Variants in TBC1D4 observed in about 807,000 individuals in gnomAD.
TBC1D4 encodes the protein TBC1 domain family member 4, also known as TBC (Tre-2, BUB2, CDC16) domain-containing protein.
Under a neutral mutation model 142.5 loss-of-function variants are expected in TBC1D4, and 121 were observed. The ratio of observed to expected loss-of-function variants is 0.85; its 90% CI spans 0.73 to 0.99. TBC1D4 has a LOEUF of 0.99. Ranked by LOEUF, TBC1D4 falls within the 50% of genes least tolerant of loss-of-function variation. The pLI, the probability that TBC1D4 is intolerant of heterozygous loss-of-function variation, is 0.00. For missense variants in TBC1D4, 1,475 were observed against 1,606.6 expected, an observed-to-expected ratio of 0.92 and a Z score of 1.40; for synonymous variants, 630 against 628.2, an observed-to-expected ratio of 1.00 and a Z score of -0.04.
At chr13:75,481,208 CGCCCTGCTCCCCGAT>C in intron 1 of TBC1D4, 47 bp downstream of exon 1, 2 of 1,448,742 alleles carry the variant, frequency 1.4e-6, no homozygotes, top group Non-Finnish European at 1.9e-6. Context: ...CCGCCCCTCC[CGCCCTGCTCCCCGAT>C]CCCCCAAGGC....
At chr13:75,450,271 G>A (rs991107269) in intron 1 of TBC1D4, among the ~76,000 whole-genome samples, 1 of 152,114 alleles carries the variant, frequency 6.6e-6, no homozygotes, top group African/African-American at 2.4e-5. Context: ...ATGATGCGGT[G>A]TCAGAATTTC....
At chr13:75,478,127 G>C (rs1206001824) in intron 1 of TBC1D4, among the ~76,000 whole-genome samples, 1 of 152,174 alleles carries the variant, frequency 6.6e-6, no homozygotes, top group Non-Finnish European at 1.5e-5. Context: ...CAGCTCTAAG[G>C]TCAAATGTAG....
rs574953141 is a variant in TBC1D4 at position 75,319,439 on chromosome 13, T to A, written c.2222+575A>T. Among the ~76,000 whole-genome samples, 50 of 152,340 alleles carry A rather than the reference T, an allele frequency of 3.3e-4. 2 individuals carry two copies. The highest frequency in any genetic ancestry group is 2.7e-3 in the Admixed American group (42 of 15,298). ...CAAAAAAAGCATGTGAGTCAAGAGA[T>A]GTCAACACAGATGTGGTCAAACTTC... On this transcript the variant is annotated intron_variant, in intron 12 of 20. Transcript: ENST00000377636.
chr13:75,402,520 T>C (rs1242477633), intron 1 of TBC1D4, among the ~76,000 whole-genome samples: 1 of 152,160 alleles, frequency 6.6e-6, no homozygotes, highest in East Asian at 1.9e-4. Context: ...GGATAAGAAA[T>C]TTTAAGTTGA....
Position 75,481,939 on chromosome 13 carries a change from C to T in TBC1D4, c.-172G>A, listed in dbSNP as rs996151999. The T allele has an allele frequency of 1.0e-6, 1 of 968,228 alleles. No homozygotes were observed. The highest frequency in any genetic ancestry group is 3.6e-4 in the Middle Eastern group (1 of 2,790). The allele number at this position is 968,228 out of a possible 1,614,324, so 60.0% of individuals were successfully genotyped here. A position where few individuals can be genotyped will look rare whatever the true frequency, so the allele number is the denominator to read the frequency against. ...TTCAGCAGCCCTGCCCCATGCAGCA[C>T]TTCCACGGGCGCGGCTCGGAGGCTC... On this transcript the variant is annotated 5_prime_UTR_variant, in exon 1 of 21. The change creates a new upstream start codon in the 5' untranslated region. Coordinates refer to ENST00000377636, the MANE Select transcript of TBC1D4 (RefSeq NM_014832.5).
intron 17 of TBC1D4, among the ~76,000 whole-genome samples, chr13:75,295,850 T>C (rs536972617): frequency 2.6e-5 from 4 of 152,212 alleles, no homozygotes; most frequent in Non-Finnish European, 4.4e-5. Flanking sequence ...ATCAGTTATA[T>C]TGGCTTGATA....
intron 14 of TBC1D4, among the ~76,000 whole-genome samples, chr13:75,308,630 A>G (rs1279415020): frequency 6.6e-6 from 1 of 152,142 alleles, no homozygotes; most frequent in South Asian, 2.1e-4. Context: ...TCATGCATTA[A>G]ATTTTTTGAG....
intron 14 of TBC1D4, among the ~76,000 whole-genome samples, chr13:75,307,792 G>A (rs577957922): frequency 2.0e-4 from 31 of 152,142 alleles, no homozygotes; most frequent in African/African-American, 5.3e-4. Flanking sequence ...TATTCCTTCC[G>A]GATACCACAG....
intron 1 of TBC1D4, among the ~76,000 whole-genome samples, chr13:75,399,584 C>T (rs190321749): frequency 4.6e-4 from 70 of 152,302 alleles, no homozygotes; most frequent in Non-Finnish European, 5.1e-4. Flanking sequence ...GTATCTGAGT[C>T]GGAGCCTGAT....
chr13:75,404,706 G>C (rs1279951536), intron 1 of TBC1D4, among the ~76,000 whole-genome samples: 1 of 152,214 alleles, frequency 6.6e-6, no homozygotes, highest in Non-Finnish European at 1.5e-5. Context: ...AGGGACTACG[G>C]ATAATTCTTT....
intron 7 of TBC1D4, among the ~76,000 whole-genome samples, chr13:75,337,961 C>T (rs1880365457): frequency 6.6e-6 from 1 of 152,040 alleles, no homozygotes; most frequent in Admixed American, 6.5e-5. Context: ...TAGAAGGGAG[C>T]AGTAGAAGGT....
intron 16 of TBC1D4, among the ~76,000 whole-genome samples, 169 bp downstream of exon 16, chr13:75,302,074 G>A (rs563143068): frequency 2.6e-5 from 4 of 152,246 alleles, no homozygotes; most frequent in South Asian, 4.2e-4. Flanking sequence ...TTATGGGATC[G>A]TCAATCAGGT....
chr13:75,334,002 A>G (rs1457961189), intron 8 of TBC1D4, among the ~76,000 whole-genome samples: 2 of 152,142 alleles, frequency 1.3e-5, no homozygotes, highest in Non-Finnish European at 2.9e-5. Flanking sequence ...AATTTGTCCC[A>G]CTGCTGATGA....
chr13:75,302,575 T>C (rs1876690822), intron 15 of TBC1D4, 174 bp from the exon 16 acceptor site: 2 of 702,270 alleles, frequency 2.8e-6, no homozygotes, highest in African/African-American at 1.8e-5. Context: ...ATCCTATAGC[T>C]CTTGATGCCT....
At chr13:75,462,708 T>A (rs1888021742) in intron 1 of TBC1D4, among the ~76,000 whole-genome samples, 1 of 152,110 alleles carries the variant, frequency 6.6e-6, no homozygotes, top group African/African-American at 2.4e-5. Context: ...ATAAATAAAG[T>A]CTTAATTACA....
At chr13:75,341,301 C>G (rs940288943) in intron 6 of TBC1D4, 66 bp from the exon 7 acceptor site, 2 of 1,480,096 alleles carry the variant, frequency 1.4e-6, no homozygotes, top group African/African-American at 2.8e-5. Flanking sequence ...TTCTGTCGGG[C>G]AGACAAACGT....
At chr13:75,385,103 C>T (rs1231777366) in intron 1 of TBC1D4, among the ~76,000 whole-genome samples, 1 of 152,130 alleles carries the variant, frequency 6.6e-6, no homozygotes, top group Admixed American at 6.6e-5. Flanking sequence ...TATTTGCTCA[C>T]AACTCCCCTC....
intron 1 of TBC1D4, among the ~76,000 whole-genome samples, chr13:75,429,687 T>G (rs1354064924): frequency 6.6e-6 from 1 of 151,570 alleles, no homozygotes; most frequent in Non-Finnish European, 1.5e-5. Flanking sequence ...TTTAAAAAAG[T>G]ATTGGGGGAG....
At chr13:75,478,633 C>G (rs890003175) in intron 1 of TBC1D4, among the ~76,000 whole-genome samples, 2 of 152,156 alleles carry the variant, frequency 1.3e-5, no homozygotes, top group African/African-American at 4.8e-5. Flanking sequence ...CTAGAACTAT[C>G]CACAGCCAAC....
Sources: gnomAD v4.1 joint callset for allele counts (sites outside exome capture counted in the v4.1 genomes callset) on GRCh38, gnomAD v4.1.1 for gene constraint, MANE v1.5 for transcripts, NCBI Gene and HGNC (gene_info 2026-07-23, HGNC 2026-07-21) for gene names.